RBPJ: variants seen among roughly 807,000 people sequenced by gnomAD.
RBPJ encodes recombining binding protein suppressor of hairless.
RBPJ carries 9 observed loss-of-function variants against 67.8 expected under a neutral mutation model. The ratio of observed to expected loss-of-function variants is 0.13; its 90% CI spans 0.08 to 0.23. The LOEUF is 0.23. RBPJ is among the 10% of genes least tolerant of loss of function. The pLI, the probability that RBPJ is intolerant of heterozygous loss-of-function variation, is 1.00. For synonymous variants in RBPJ, 198 were observed against 203.3 expected, an observed-to-expected ratio of 0.97 and a Z score of 0.22; for missense variants, 305 against 595.6, an observed-to-expected ratio of 0.51 and a Z score of 5.08.
intron 1 of RBPJ, among the ~76,000 whole-genome samples, chr4:26,170,484 G>T (rs927193596): frequency 2.0e-4 from 31 of 151,460 alleles, no homozygotes; most frequent in Non-Finnish European, 4.4e-4. Flanking sequence ...GGCCAAGGCT[G>T]CAGTGAGCCT....
intron 1 of RBPJ, 62 bp downstream of exon 1, chr4:26,321,110 G>T (rs545752469): frequency 3.6e-5 from 50 of 1,385,718 alleles, no homozygotes; most frequent in Non-Finnish European, 4.5e-5. Flanking sequence ...GGCAGCTCAC[G>T]GCGGGCAGCG....
At chr4:26,222,093 T>G (rs1369568353) in intron 1 of RBPJ, among the ~76,000 whole-genome samples, 1 of 152,216 alleles carries the variant, frequency 6.6e-6, no homozygotes, top group African/African-American at 2.4e-5. Context: ...TTGATGACAC[T>G]CCAGTGTGTC....
intron 2 of RBPJ, among the ~76,000 whole-genome samples, chr4:26,387,296 G>A (rs999410967): frequency 1.3e-5 from 2 of 152,070 alleles, no homozygotes; most frequent in Admixed American, 6.6e-5. Context: ...GGGGAAATCT[G>A]GGACACTTTG....
intron 1 of RBPJ, among the ~76,000 whole-genome samples, chr4:26,253,872 G>C (rs1720202986): frequency 6.7e-6 from 1 of 148,726 alleles, no homozygotes. Context: ...GTGTAATGAG[G>C]GTGGAGATTT....
chr4:26,124,350 A>G, the RBPJ span, among the ~76,000 whole-genome samples: 6 of 147,438 alleles, frequency 4.1e-5, no homozygotes, highest in Admixed American at 6.8e-5. Flanking sequence ...AATAATCTCC[A>G]GTCTCATCCA....
intron 1 of RBPJ, among the ~76,000 whole-genome samples, chr4:26,286,058 T>C (rs1410979064): frequency 6.6e-6 from 1 of 152,168 alleles, no homozygotes; most frequent in East Asian, 1.9e-4. Flanking sequence ...GCTATGATCG[T>C]GCCGCTGCAC....
intron 3 of RBPJ, among the ~76,000 whole-genome samples, chr4:26,407,507 T>A (rs1158339190): frequency 1.3e-5 from 2 of 152,248 alleles, no homozygotes; most frequent in African/African-American, 4.8e-5. Flanking sequence ...ATTGGGGACT[T>A]TCATTGTTGT....
chr4:26,213,894 A>G (rs1405391968), intron 1 of RBPJ, among the ~76,000 whole-genome samples: 2 of 152,176 alleles, frequency 1.3e-5, no homozygotes, highest in African/African-American at 4.8e-5. Flanking sequence ...TTCTGAAAAT[A>G]GATTCGACAG....
intron 1 of RBPJ, among the ~76,000 whole-genome samples, chr4:26,293,778 G>T (rs1261248855): frequency 6.6e-6 from 1 of 152,190 alleles, no homozygotes; most frequent in African/African-American, 2.4e-5. Flanking sequence ...CTTTTTTTGA[G>T]ATGGAGTCTC....
chr4:26,257,390 G>T (rs546477216), intron 1 of RBPJ, among the ~76,000 whole-genome samples: 1 of 152,364 alleles, frequency 6.6e-6, no homozygotes, highest in South Asian at 2.1e-4. Flanking sequence ...AGCACTTTGG[G>T]AGGCCAGGGC....
At chr4:26,394,614 G>A (rs1303485939) in intron 2 of RBPJ, among the ~76,000 whole-genome samples, 2 of 152,138 alleles carry the variant, frequency 1.3e-5, no homozygotes, top group Non-Finnish European at 2.9e-5. Flanking sequence ...TTATGCATTG[G>A]TCTTCAGGAG....
upstream of RBPJ, among the ~76,000 whole-genome samples, chr4:26,316,580 TAC>T (rs1244537022): frequency 2.5e-4 from 22 of 89,706 alleles, no homozygotes; most frequent in African/African-American, 1.1e-3. Context: ...TTCATATATA[TAC>T]ATTCATATAT....
intron 1 of RBPJ, among the ~76,000 whole-genome samples, chr4:26,219,989 T>C (rs1718849231): frequency 6.6e-6 from 1 of 151,918 alleles, no homozygotes; most frequent in Non-Finnish European, 1.5e-5. Flanking sequence ...TTCACTATGT[T>C]AGCCAGGATG....
chr4:26,267,125 C>T (rs1225094783), intron 1 of RBPJ, among the ~76,000 whole-genome samples: 1 of 152,170 alleles, frequency 6.6e-6, no homozygotes. Flanking sequence ...GACTTCGCCT[C>T]TTCTTCCTGG....
chr4:26,227,756 T>C (rs986888548), intron 1 of RBPJ, among the ~76,000 whole-genome samples: 3 of 152,226 alleles, frequency 2.0e-5, no homozygotes, highest in African/African-American at 7.2e-5. Flanking sequence ...AAGAGCAGAC[T>C]TTGCTTGAGT....
chr4:26,282,133 TCTC>T (rs1298546171), intron 1 of RBPJ, among the ~76,000 whole-genome samples: 39 of 75,720 alleles, frequency 5.2e-4, no homozygotes, highest in African/African-American at 1.5e-3. Context: ...CCTCTCTCTC[TCTC>T]TTTTTTTTTT....
chr4:26,131,615 A>AG, the RBPJ span, among the ~76,000 whole-genome samples: 3 of 152,244 alleles, frequency 2.0e-5, no homozygotes, highest in Non-Finnish European at 2.9e-5. Context: ...GATTAAAGTA[A>AG]GGACAATGAG....
rs527973722 is a variant in RBPJ at position 26,245,909 on chromosome 4, T to A, written c.-167+82295T>A. On this transcript the variant is annotated intron_variant, in intron 1 of 4. Coordinates refer to the RBPJ transcript ENST00000512351. ...GCTTATTTCTGGACTCTAAATTCAA[T>A]TCTTTCACTCTATATGTCTGTCTTA... Among the ~76,000 whole-genome samples the A allele has an allele frequency of 5.3e-5, 8 of 152,358 alleles. No homozygotes were observed. The East Asian group carries it at 1.5e-3, about 29-fold the overall frequency.
intron 1 of RBPJ, among the ~76,000 whole-genome samples, chr4:26,313,977 T>C (rs1481379630): frequency 2.0e-5 from 3 of 152,176 alleles, no homozygotes; most frequent in Admixed American, 6.5e-5. Context: ...GAAATATATA[T>C]ACATAGTACA....
Sources: allele counts gnomAD v4.1 joint callset (sites outside exome capture counted in the v4.1 genomes callset), GRCh38; gene constraint gnomAD v4.1.1; transcripts MANE v1.5; gene names NCBI Gene and HGNC (gene_info 2026-07-23, HGNC 2026-07-21).